The following TSEN2 variants were observed in gnomAD, a reference collection of about 807,000 sequenced individuals.
The protein encoded by TSEN2 is tRNA-splicing endonuclease subunit Sen2.
TSEN2 carries 54 observed loss-of-function variants against 59.2 expected under a neutral mutation model. That is an observed-to-expected ratio of 0.91 (90% CI 0.73 to 1.14). The LOEUF (loss-of-function observed/expected upper bound fraction) is 1.14. Ranked by LOEUF, TSEN2 falls within the 50% of genes most tolerant of loss-of-function variation. The pLI, the probability that TSEN2 is intolerant of heterozygous loss-of-function variation, is 0.00. For synonymous variants in TSEN2, 195 were observed against 198.2 expected (o/e 0.98, Z 0.14); for missense variants, 636 against 576.2 (o/e 1.10, Z -1.06).
chr3:12,524,473 G>A (rs1412754262), intron 8 of TSEN2, among the ~76,000 whole-genome samples: 1 of 152,100 alleles, frequency 6.6e-6, no homozygotes, highest in African/African-American at 2.4e-5. Flanking sequence ...GGCGTTTTGT[G>A]GCTGGTTACT....
Position 12,503,719 on chromosome 3 carries a change from G to A in TSEN2, c.766G>A (p.Glu256Lys). 1 of 1,614,040 alleles carries A rather than the reference G, an allele frequency of 6.2e-7. No individual in the cohort carries two copies. The highest frequency in any genetic ancestry group is 8.5e-7 in the Non-Finnish European group (1 of 1,179,944). ...TCCTGGGGACAGAGGGCCTGACCAT[G>A]AGTACGTGCTGGTCGAGGAAGCGGA... ...LHPGDRGPDH[E>K]YVLVEEAECA... Residue 256 changes from glutamate (E) to lysine (K), a missense_variant, in exon 5 of 12, where the codon GAG (glutamate) becomes AAG (lysine). Glu to Lys is a moderately conservative substitution (Grantham distance 56). Transcript: ENST00000284995.
rs540932741 is a variant in TSEN2 at position 12,515,721 on chromosome 3, A to G, written c.910-890A>G. Among the ~76,000 whole-genome samples, 5 of 152,288 alleles carry G rather than the reference A, an allele frequency of 3.3e-5. No homozygotes were observed. In the South Asian group the frequency reaches 8.3e-4, roughly 25 times the overall value. On this transcript the variant is annotated intron_variant, in intron 6 of 11. Transcript: ENST00000284995. ...TCAACTGGAGCCAATTTTCTTTGCCATTCCTACAGCCTCCCCCCACACAGT... is the reference window on the plus strand; with the variant it reads ...TCAACTGGAGCCAATTTTCTTTGCCGTTCCTACAGCCTCCCCCCACACAGT...
Position 12,532,793 on chromosome 3 carries a change from G to T in TSEN2, c.*72G>T. The T allele has an allele frequency of 6.9e-7, 1 of 1,444,508 alleles. No homozygotes were observed. The highest frequency in any genetic ancestry group is 1.1e-5 in the South Asian group (1 of 87,268). The allele number at this position is 1,444,508 out of a possible 1,614,324, so 89.5% of individuals were successfully genotyped here. ...GGCTAGGTAAAAAGTTCTTTTTGTT[G>T]TAATCGTCCATTAATTCATAAGTTT... On this transcript the variant is annotated 3_prime_UTR_variant, in exon 12 of 12. Coordinates refer to ENST00000284995, the MANE Select transcript of TSEN2 (RefSeq NM_025265.4).
In TSEN2 at chr3:12,519,215, T is replaced by C. The variant is rs779459565; in HGVS notation, c.1099+18T>C. The stretch of plus-strand genomic sequence containing the variant: ...AGATTTACGTAAGTAATTCTTGGCG[T>C]GGTGTGTGTGAGAATAGAGTTTATA... On this transcript the variant is annotated intron_variant, in intron 8 of 11. Coordinates refer to ENST00000284995, the MANE Select transcript of TSEN2 (RefSeq NM_025265.4). 39 of 1,614,010 alleles carry C rather than the reference T, an allele frequency of 2.4e-5. No individual in the cohort carries two copies. In the Admixed American group the frequency reaches 5.3e-4, roughly 22 times the overall value.
chr3:12,513,454 C>T (rs965865789), intron 6 of TSEN2, among the ~76,000 whole-genome samples: 2 of 152,124 alleles, frequency 1.3e-5, no homozygotes, highest in African/African-American at 4.8e-5. Context: ...ATTAATTGAG[C>T]TTTTAGGTGC....
At chr3:12,499,684 G>A (rs895939155) in intron 4 of TSEN2, among the ~76,000 whole-genome samples, 4 of 152,186 alleles carry the variant, frequency 2.6e-5, no homozygotes, top group Non-Finnish European at 5.9e-5. Flanking sequence ...TGATATGGGT[G>A]TGCACACCAG....
chr3:12,532,629 T>C (rs1214304605), intron 11 of TSEN2, 33 bp from the exon 12 acceptor site: 1 of 1,611,806 alleles, frequency 6.2e-7, no homozygotes, highest in Non-Finnish European at 8.5e-7. Context: ...CATTTCTGTT[T>C]TAAGAAATGG....
chr3:12,489,405 C>T (rs2052980940), intron 1 of TSEN2, among the ~76,000 whole-genome samples: 1 of 152,048 alleles, frequency 6.6e-6, no homozygotes, highest in Non-Finnish European at 1.5e-5. Context: ...ATTAGGAATT[C>T]CTGGTAGTAA....
At chr3:12,486,036 T>C (rs1204259387) in intron 1 of TSEN2, among the ~76,000 whole-genome samples, 3 of 152,216 alleles carry the variant, frequency 2.0e-5, no homozygotes, top group Non-Finnish European at 4.4e-5. Flanking sequence ...GATGGGAGGA[T>C]GGGCATAAGT....
chr3:12,502,289 T>TA (rs1238365461), intron 4 of TSEN2, among the ~76,000 whole-genome samples: 1 of 152,210 alleles, frequency 6.6e-6, no homozygotes, highest in East Asian at 1.9e-4. Context: ...CTTACACCTG[T>TA]AATCCCAGCA....
intron 11 of TSEN2, 83 bp from the exon 12 acceptor site, chr3:12,532,579 A>G: frequency 7.4e-7 from 1 of 1,350,992 alleles, no homozygotes; most frequent in Non-Finnish European, 1.1e-6. Context: ...CCTTTGTGAA[A>G]TGTAGCTGTG....
Position 12,530,055 on chromosome 3 carries a change from C to A in TSEN2, c.1248+182C>A, listed in dbSNP as rs188699202. ...CCTTATTGCGCTAGAAGTTGTCCTC[C>A]CCTCATGTTACATTTTATTGTCCCC... is the stretch of plus-strand genomic sequence containing the variant. On this transcript the variant is annotated intron_variant, in intron 10 of 11. Transcript: ENST00000284995. 2.4e-4 allele frequency: 350 copies of A among 1,436,234 alleles called. 1 individual carries two copies. In the African/African-American group the frequency reaches 3.7e-3, roughly 15 times the overall value. The allele number at this position is 1,436,234 out of a possible 1,614,324, so 89.0% of individuals were successfully genotyped here. A position where few individuals can be genotyped will look rare whatever the true frequency, so the allele number is the denominator to read the frequency against.
chr3:12,485,119 G>A (rs1559261786), intron 1 of TSEN2, among the ~76,000 whole-genome samples: 1 of 152,182 alleles, frequency 6.6e-6, no homozygotes, highest in Non-Finnish European at 1.5e-5. Flanking sequence ...TTTACCTTGT[G>A]CCTTTCATCC....
intron 8 of TSEN2, among the ~76,000 whole-genome samples, chr3:12,523,729 A>G (rs796171): frequency 0.55 from 82,451 of 150,660 alleles, 24,380 homozygotes; most frequent in African/African-American, 0.77. Context: ...TAGTAGAGAC[A>G]GGGTTTTGCC....
intron 6 of TSEN2, among the ~76,000 whole-genome samples, chr3:12,515,920 A>G (rs1346887661): frequency 6.6e-6 from 1 of 151,810 alleles, no homozygotes; most frequent in Non-Finnish European, 1.5e-5. Flanking sequence ...TGGTTATTTA[A>G]TTTTACAGGG....
intron 6 of TSEN2, among the ~76,000 whole-genome samples, chr3:12,508,165 G>A (rs2125080145): frequency 6.6e-6 from 1 of 152,320 alleles, no homozygotes; most frequent in South Asian, 2.1e-4. Flanking sequence ...CGTGTCAGAT[G>A]CTGGGAGTTC....
chr3:12,525,210 T>C (rs1346544182), intron 8 of TSEN2, among the ~76,000 whole-genome samples: 1 of 152,188 alleles, frequency 6.6e-6, no homozygotes, highest in Non-Finnish European at 1.5e-5. Flanking sequence ...TGTGTGCTTA[T>C]TGGAGTGTGT....
chr3:12,538,274 G>A (rs1392983800), downstream of TSEN2, among the ~76,000 whole-genome samples: 2 of 152,238 alleles, frequency 1.3e-5, no homozygotes, highest in Admixed American at 6.5e-5. Context: ...ACAGCCATTC[G>A]TGAATCAAGC....
At chr3:12,535,154 T>C (rs2057645367), downstream of TSEN2, among the ~76,000 whole-genome samples, 3 of 152,198 alleles carry the variant, frequency 2.0e-5, no homozygotes, top group African/African-American at 7.2e-5. Context: ...TTGTGGAGAA[T>C]TACTTGGATT....
Sources: gnomAD v4.1 joint callset for allele counts (sites outside exome capture counted in the v4.1 genomes callset) on GRCh38, gnomAD v4.1.1 for gene constraint, MANE v1.5 for transcripts, NCBI Gene and HGNC (gene_info 2026-07-23, HGNC 2026-07-21) for gene names.